The following SNX29 variants were observed in gnomAD, a reference collection of about 807,000 sequenced individuals.
SNX29 encodes sorting nexin-29.
In SNX29, 78 loss-of-function variants were observed where a neutral mutation model predicts 102.1. The ratio of observed to expected loss-of-function variants is 0.76; its 90% CI spans 0.64 to 0.92. The LOEUF is 0.92. Among genes scored for constraint, SNX29 ranks in the 40% least tolerant of loss-of-function variants. The pLI, the probability that SNX29 is intolerant of heterozygous loss-of-function variation, is 0.00. For synonymous variants in SNX29, 580 were observed against 414.5 expected, an observed-to-expected ratio of 1.40 and a Z score of -4.85; for missense variants, 1,280 against 1,061.7, an observed-to-expected ratio of 1.21 and a Z score of -2.86.
At chr16:12,381,359 C>G (rs867603046) in intron 16 of SNX29, among the ~76,000 whole-genome samples, 7 of 78,606 alleles carry the variant, frequency 8.9e-5, no homozygotes, top group African/African-American at 2.9e-4. Context: ...CATCCAGCCA[C>G]CCACCCACCG....
chr16:12,236,577 G>A (rs540057057), intron 14 of SNX29, among the ~76,000 whole-genome samples: 1 of 152,150 alleles, frequency 6.6e-6, no homozygotes, highest in Non-Finnish European at 1.5e-5. Flanking sequence ...AGACTCTGTG[G>A]GTCCATTGAA....
intron 13 of SNX29, among the ~76,000 whole-genome samples, chr16:12,174,095 AT>A (rs2076209055): frequency 6.6e-6 from 1 of 152,124 alleles, no homozygotes; most frequent in Non-Finnish European, 1.5e-5. Flanking sequence ...TGTGCTTCTT[AT>A]TAGTGGTTCT....
In SNX29 at chr16:12,505,819, C is replaced by T. The variant is rs185292589; in HGVS notation, c.2179-18883C>T. ...ATTTTGAGAAGGAATGACGTTGAAT[C>T]TGCCAGTCAATTTGAGGAGTATCAG... On this transcript the variant is annotated intron_variant, in intron 19 of 20. Transcript: ENST00000566228. Among the ~76,000 whole-genome samples, 361 of 140,772 alleles carry T rather than the reference C, an allele frequency of 2.6e-3. 5 individuals carry two copies. The highest frequency in any genetic ancestry group is 6.3e-4 in the Non-Finnish European group (41 of 65,500). The allele number at this position is 140,772 out of a possible 152,430, so 92.4% of individuals were successfully genotyped here.
chr16:12,546,692 C>A (rs923749481), intron 20 of SNX29: 1 of 152,080 alleles, frequency 6.6e-6, no homozygotes, highest in African/African-American at 2.4e-5. Flanking sequence ...CCATCTAGAC[C>A]CACTGTGATT....
rs866910934 is a variant in SNX29 at position 12,572,728 on chromosome 16, G to A, written c.*4099G>A. On this transcript the variant is annotated 3_prime_UTR_variant, in exon 21 of 21. Coordinates refer to ENST00000566228, the MANE Select transcript of SNX29 (RefSeq NM_032167.5). Reference sequence around the variant, plus strand: ...CTTCCAGCCTTGGCACAGAACTGATGGCAAAGGAAGGGCTGGGTTTTCAGC... The same window carrying A: ...CTTCCAGCCTTGGCACAGAACTGATAGCAAAGGAAGGGCTGGGTTTTCAGC... The A allele has an allele frequency of 1.9e-6, 2 of 1,064,008 alleles. No homozygotes were observed. Among genetic ancestry groups the A allele is most frequent in the Non-Finnish European group, 2.3e-6 (2 of 878,478 alleles). 65.9% of individuals were successfully genotyped at this position (1,064,008 alleles called of 1,614,324 possible). A position where few individuals can be genotyped will look rare whatever the true frequency, so the allele number is the denominator to read the frequency against.
At chr16:12,544,966 C>G (rs530451105) in intron 20 of SNX29, among the ~76,000 whole-genome samples, 3 of 152,174 alleles carry the variant, frequency 2.0e-5, no homozygotes, top group Admixed American at 1.3e-4. Context: ...GAAACAGGCT[C>G]AGAGAGATTG....
chr16:12,450,966 C>G (rs1157119505), intron 18 of SNX29, among the ~76,000 whole-genome samples: 1 of 152,088 alleles, frequency 6.6e-6, no homozygotes, highest in Non-Finnish European at 1.5e-5. Context: ...TGAGCTCCAC[C>G]AAGCAGTTGA....
At chr16:12,126,187 C>T (rs902389806) in intron 11 of SNX29, among the ~76,000 whole-genome samples, 8 of 152,260 alleles carry the variant, frequency 5.3e-5, no homozygotes, top group African/African-American at 1.9e-4. Flanking sequence ...TTATCTCCAT[C>T]TTCCTATCTT....
intron 19 of SNX29, among the ~76,000 whole-genome samples, chr16:12,483,114 G>GTTGTTTTTTTTTTTTT (rs2088029576): frequency 1.5e-5 from 1 of 66,196 alleles, no homozygotes. Flanking sequence ...AAGTTATTAA[G>GTTGTTTTTTTTTTTTT]TTTTTTTTTT....
rs1350771021 is a variant in SNX29 at position 12,046,471 on chromosome 16, C to T, written c.499+17C>T. ...TGGCAGCAGGTAAGCCTGGCCCAGA[C>T]CAGGGTGCAGGGCCTTGTGACACTT... On this transcript the variant is annotated intron_variant, in intron 6 of 20. Coordinates refer to ENST00000566228, the MANE Select transcript of SNX29 (RefSeq NM_032167.5). 6.2e-7 allele frequency: 1 copy of T among 1,613,400 alleles called. No individual in the cohort carries two copies. The highest frequency in any genetic ancestry group is 8.5e-7 in the Non-Finnish European group (1 of 1,179,540).
chr16:12,530,541 G>C (rs917359499), intron 20 of SNX29, among the ~76,000 whole-genome samples: 1 of 146,846 alleles, frequency 6.8e-6, no homozygotes, highest in Non-Finnish European at 1.5e-5. Context: ...ATTTGCCTTC[G>C]TTTTTTTTTT....
chr16:12,248,956 T>C (rs973792836), intron 14 of SNX29, among the ~76,000 whole-genome samples: 1 of 152,190 alleles, frequency 6.6e-6, no homozygotes, highest in Admixed American at 6.5e-5. Context: ...GTAATGTTTG[T>C]TGCTTGCATG....
chr16:12,490,645 A>G (rs2088499477), intron 19 of SNX29, among the ~76,000 whole-genome samples: 1 of 152,230 alleles, frequency 6.6e-6, no homozygotes, highest in Non-Finnish European at 1.5e-5. Flanking sequence ...CAAAGCAGCC[A>G]TACGGTGATG....
chr16:12,450,010 T>A (rs773031615), intron 18 of SNX29, among the ~76,000 whole-genome samples: 6 of 152,132 alleles, frequency 3.9e-5, no homozygotes, highest in African/African-American at 1.2e-4. Flanking sequence ...ACTGTTGTTA[T>A]GATGGTGAGT....
intron 18 of SNX29, among the ~76,000 whole-genome samples, chr16:12,403,886 G>T (rs1567528888): frequency 6.6e-6 from 1 of 152,182 alleles, no homozygotes; most frequent in Non-Finnish European, 1.5e-5. Flanking sequence ...GGAACCTGCT[G>T]CCATATCCTG....
At chr16:12,036,210 G>C (rs2057467122) in intron 4 of SNX29, among the ~76,000 whole-genome samples, 5 of 152,144 alleles carry the variant, frequency 3.3e-5, no homozygotes, top group Admixed American at 1.3e-4. Flanking sequence ...AAGTAGCTGG[G>C]ACGACAGGTG....
chr16:12,076,335 C>G (rs573994322), intron 10 of SNX29, among the ~76,000 whole-genome samples: 28 of 146,570 alleles, frequency 1.9e-4, no homozygotes, highest in Non-Finnish European at 1.5e-4. Context: ...CAGTCTTACT[C>G]TGTCGCCCAG....
At chr16:12,538,375 C>T (rs971000812) in intron 20 of SNX29, among the ~76,000 whole-genome samples, 1 of 152,150 alleles carries the variant, frequency 6.6e-6, no homozygotes, top group Non-Finnish European at 1.5e-5. Context: ...CAGGCGTGAG[C>T]CACCGCGCCC....
At chr16:12,468,775 G>T (rs561562112) in intron 18 of SNX29, among the ~76,000 whole-genome samples, 2 of 152,310 alleles carry the variant, frequency 1.3e-5, no homozygotes, top group South Asian at 4.1e-4. Context: ...GGGGGACAGC[G>T]GGGTTTGGGA....
Sources: allele counts gnomAD v4.1 joint callset (sites outside exome capture counted in the v4.1 genomes callset), GRCh38; gene constraint gnomAD v4.1.1; transcripts MANE v1.5; gene names NCBI Gene and HGNC (gene_info 2026-07-23, HGNC 2026-07-21).